The following MDN1 variants were observed in gnomAD, a reference collection of about 807,000 sequenced individuals.
The protein encoded by MDN1 is midasin AAA ATPase 1, also known as midasin.
Under a neutral mutation model 669.2 loss-of-function variants are expected in MDN1, and 266 were observed. That is an observed-to-expected ratio of 0.40 (90% confidence interval 0.36 to 0.44). The LOEUF (loss-of-function observed/expected upper bound fraction) is 0.44. Among genes scored for constraint, MDN1 ranks in the 20% least tolerant of loss-of-function variants. MDN1 has a pLI of 1.00. For missense variants in MDN1, 5,940 were observed against 6,754.0 expected (o/e 0.88, Z 4.22); for synonymous variants, 2,385 against 2,457.1 (o/e 0.97, Z 0.87).
chr6:89,758,869 C>A lies in MDN1; in HGVS notation c.2552G>T (p.Gly851Val). The change falls in exon 18 of 102, where the codon GGT becomes GTT. Residue 851 changes from glycine (G) to valine (V), a missense_variant. Physicochemically the swap from Gly to Val is moderately radical, Grantham distance 109 (BLOSUM62 -3). Coordinates refer to ENST00000369393, the MANE Select transcript of MDN1 (RefSeq NM_014611.3). Reference sequence around the variant, plus strand: ...GGATCCAGAAGATCCTTCAAGCAAACCACTCAGACATTCTAGTATTTCTGG... The same window carrying A: ...GGATCCAGAAGATCCTTCAAGCAAAACACTCAGACATTCTAGTATTTCTGG... Reference protein sequence around the residue: ...AAPEILECLSGLLEGSSGSLV... With the variant: ...AAPEILECLSVLLEGSSGSLV... The A allele has an allele frequency of 6.2e-7, 1 of 1,614,172 alleles. No individual in the cohort carries two copies. Among genetic ancestry groups the A allele is most frequent in the Non-Finnish European group, 8.5e-7 (1 of 1,180,020 alleles).
At chr6:89,735,347 T>TA (rs201951674) in intron 33 of MDN1, among the ~76,000 whole-genome samples, 2 of 147,946 alleles carry the variant, frequency 1.4e-5, no homozygotes, top group African/African-American at 5.0e-5. Context: ...TTTTTTTTTT[T>TA]AAACACATCA....
intron 13 of MDN1, among the ~76,000 whole-genome samples, chr6:89,774,342 C>G (rs1818248978): frequency 6.6e-6 from 1 of 152,202 alleles, no homozygotes; most frequent in Non-Finnish European, 1.5e-5. Context: ...AGCCTGACTT[C>G]CAACTGAGGC....
At chr6:89,761,830 AAC>A (rs918393210) in intron 16 of MDN1, 82 bp from the exon 17 acceptor site, 4 of 1,016,724 alleles carry the variant, frequency 3.9e-6, no homozygotes, top group Non-Finnish European at 5.9e-6. Flanking sequence ...CAATTAACAA[AAC>A]ACACAAAAAT....
At chr6:89,748,771 A>G (rs368313314) in intron 26 of MDN1, among the ~76,000 whole-genome samples, 5 of 152,062 alleles carry the variant, frequency 3.3e-5, no homozygotes, top group Non-Finnish European at 7.4e-5. Flanking sequence ...AAAGACCTCT[A>G]CTTGAAGGCC....
chr6:89,676,419 A>C (rs1481373868), intron 76 of MDN1, among the ~76,000 whole-genome samples: 2 of 152,232 alleles, frequency 1.3e-5, no homozygotes, highest in Non-Finnish European at 2.9e-5. Context: ...TGCTGACAAC[A>C]TGGTTTCTTC....
Position 89,712,623 on chromosome 6 carries a change from A to G in MDN1, c.7382T>C (p.Leu2461Ser), listed in dbSNP as rs766234427. Residue 2461 changes from leucine to serine, a missense_variant, in exon 48 of 102, where the codon TTA (leucine) becomes TCA (serine). This residue lies in a region of MDN1 where 2,292 missense variants were observed against 2,638.3 expected (regional missense o/e 0.87). Transcript: ENST00000369393. ...GCTCATCCTGTTGAGACAATATACT[A>G]AGATCTGTCCATCTCTTCGGACTGT... The part of the protein sequence containing the change: ...LSTVRRDGQI[L>S]VYCLNRMSMK... 1 of 1,614,142 alleles carries G rather than the reference A, an allele frequency of 6.2e-7. No individual in the cohort carries two copies. The highest frequency in any genetic ancestry group is 8.5e-7 in the Non-Finnish European group (1 of 1,179,992).
intron 44 of MDN1, among the ~76,000 whole-genome samples, 190 bp from the exon 45 acceptor site, chr6:89,715,959 T>C (rs1014014861): frequency 4.6e-5 from 7 of 152,214 alleles, no homozygotes; most frequent in Non-Finnish European, 7.3e-5. Flanking sequence ...CCTAGGCACA[T>C]AGCCCAGGGC....
chr6:89,685,796 A>G (rs1460707542), intron 70 of MDN1, 31 bp downstream of exon 70: 2 of 1,606,366 alleles, frequency 1.2e-6, no homozygotes, highest in Non-Finnish European at 1.7e-6. Flanking sequence ...TAGTCGTGCA[A>G]TGTCAAAGGA....
intron 30 of MDN1, 106 bp from the exon 31 acceptor site, chr6:89,743,386 G>A: frequency 6.9e-7 from 1 of 1,455,258 alleles, no homozygotes; most frequent in Non-Finnish European, 9.4e-7. Flanking sequence ...TCTGAGGAAA[G>A]TAAGAATCTG....
chr6:89,783,840 TG>T (rs1818808004), intron 9 of MDN1, among the ~76,000 whole-genome samples: 1 of 151,678 alleles, frequency 6.6e-6, no homozygotes, highest in East Asian at 1.9e-4. Context: ...ATATTGGGGG[TG>T]GGTTACCCCA....
chr6:89,773,872 G>A (rs549492332), intron 13 of MDN1, among the ~76,000 whole-genome samples: 230 of 152,192 alleles, frequency 1.5e-3, no homozygotes, highest in African/African-American at 5.3e-3. Flanking sequence ...GGCTGAGGCA[G>A]GAGAATCGCT....
intron 23 of MDN1, 119 bp downstream of exon 23, chr6:89,751,312 T>C (rs1166406508): frequency 1.6e-6 from 2 of 1,268,380 alleles, no homozygotes; most frequent in African/African-American, 3.0e-5. Context: ...TGTAAGTAAT[T>C]GTTCAGTTGG....
chr6:89,732,422 G>C (rs931115920), intron 34 of MDN1, 135 bp downstream of exon 34: 3 of 736,238 alleles, frequency 4.1e-6, no homozygotes, highest in Non-Finnish European at 6.7e-6. Flanking sequence ...CAAACAAAAG[G>C]AAAGCCATTC....
intron 9 of MDN1, among the ~76,000 whole-genome samples, chr6:89,784,203 G>A (rs1818829347): frequency 6.6e-6 from 1 of 151,982 alleles, no homozygotes; most frequent in Non-Finnish European, 1.5e-5. Flanking sequence ...TGTAATCCCA[G>A]GTACTTGGGA....
intron 37 of MDN1, 133 bp downstream of exon 37, chr6:89,727,699 AG>A (rs1430211842): frequency 7.1e-7 from 1 of 1,401,422 alleles, no homozygotes; most frequent in African/African-American, 1.4e-5. Context: ...AAAACTACAG[AG>A]GATCTTTTCA....
rs1346851772 is a variant in MDN1 at position 89,747,345 on chromosome 6, C to T, written c.3888G>A (p.Gln1296=). The change falls in exon 27 of 102, where the codon CAG becomes CAA. Residue 1296 remains glutamine, a synonymous_variant. Coordinates refer to ENST00000369393, the MANE Select transcript of MDN1 (RefSeq NM_014611.3). ...EPTEKEYDWL[Q]HLANDGYMLL... is the part of the protein sequence containing the mutation. ...AAAACACACCATCATTGGCTAAATG[C>T]TGTAGCCAGTCATACTCCTTCTCGG... The T allele has an allele frequency of 6.2e-7, 1 of 1,613,826 alleles. No individual in the cohort carries two copies. The highest frequency in any genetic ancestry group is 1.3e-5 in the African/African-American group (1 of 75,014).
intron 49 of MDN1, among the ~76,000 whole-genome samples, chr6:89,711,209 A>C (rs913586741): frequency 2.0e-5 from 3 of 152,184 alleles, no homozygotes; most frequent in Non-Finnish European, 4.4e-5. Context: ...CAATTCAAGC[A>C]ATGTTGTTAT....
In MDN1 at chr6:89,723,110, C is replaced by T. The variant is rs1814959073; in HGVS notation, c.5812G>A (p.Gly1938Arg). The T allele has an allele frequency of 1.2e-6, 2 of 1,613,850 alleles. No homozygotes were observed. The highest frequency in any genetic ancestry group is 1.3e-5 in the African/African-American group (1 of 74,874). ...AATTCCCAGGGTCCTCCTTTTTGCC[C>T]CCATTTCTTCTCAACAGTCACTTCA... Reference protein sequence around the residue: ...DHEVTVEKKWGQKGGPWEFNL... With the variant: ...DHEVTVEKKWRQKGGPWEFNL... Residue 1938 changes from glycine (G) to arginine (R), a missense_variant, in exon 40 of 102, where the codon GGG becomes AGG. Gly to Arg is a moderately radical substitution (Grantham distance 125). Coordinates refer to ENST00000369393, the MANE Select transcript of MDN1 (RefSeq NM_014611.3).
intron 53 of MDN1, 29 bp downstream of exon 53, chr6:89,706,030 T>A (rs1813490374): frequency 1.3e-6 from 2 of 1,533,976 alleles, no homozygotes; most frequent in East Asian, 4.6e-5. Context: ...TTTTGTTGTT[T>A]AAAAATAAAA....
Sources: allele counts gnomAD v4.1 joint callset (sites outside exome capture counted in the v4.1 genomes callset), GRCh38; gene constraint gnomAD v4.1.1; regional missense constraint gnomAD v4.1.1; transcripts MANE v1.5; gene names NCBI Gene and HGNC (gene_info 2026-07-23, HGNC 2026-07-21).